The following CNBD1 variants were observed in gnomAD, a reference collection of about 807,000 sequenced individuals.
The protein encoded by CNBD1 is cyclic nucleotide binding domain containing 1.
In CNBD1, 71 loss-of-function variants were observed where a neutral mutation model predicts 54.4. The observed-to-expected ratio is 1.30, with a 90% CI of 1.08 to 1.59. The LOEUF (loss-of-function observed/expected upper bound fraction) is 1.59, where lower values mean the gene tolerates loss of function less well. Among genes scored for constraint, CNBD1 ranks in the 40% most tolerant of loss-of-function variants. The pLI is 0.00. For synonymous variants in CNBD1, 182 were observed against 170.7 expected (o/e 1.07, Z -0.51); for missense variants, 659 against 518.0 (o/e 1.27, Z -2.64).
chr8:87,114,688 T>G (rs1185711776), intron 4 of CNBD1, among the ~76,000 whole-genome samples: 1 of 152,214 alleles, frequency 6.6e-6, no homozygotes, highest in Non-Finnish European at 1.5e-5. Flanking sequence ...CTTATTTATC[T>G]AATTCCTTTT....
At chr8:87,421,479 T>C (rs1487608364) in intron 2 of CNBD1, among the ~76,000 whole-genome samples, 1 of 135,260 alleles carries the variant, frequency 7.4e-6, no homozygotes, top group Non-Finnish European at 1.5e-5. Flanking sequence ...CCTGTGTCCA[T>C]GTGATCTCAT....
At position 87,346,450 on chromosome 8, in the gene CNBD1, G is replaced by A. The variant is rs137888860; in HGVS notation, c.1043-5235G>A. On this transcript the variant is annotated intron_variant, in intron 8 of 10. Coordinates refer to ENST00000518476, the MANE Select transcript of CNBD1 (RefSeq NM_173538.3). ...ATATTTTTTCTAAAATTTCTATTTGGTTATTTTTTGTAATCCAATTGGCCA... is the reference window on the plus strand; with the variant it reads ...ATATTTTTTCTAAAATTTCTATTTGATTATTTTTTGTAATCCAATTGGCCA... Among the ~76,000 whole-genome samples, 481 of 151,512 alleles carry A rather than the reference G, an allele frequency of 3.2e-3. 5 individuals are homozygous for A. The highest frequency in any genetic ancestry group is 0.011 in the African/African-American group (447 of 41,380).
intron 4 of CNBD1, among the ~76,000 whole-genome samples, chr8:87,196,490 T>C (rs1389217071): frequency 6.6e-6 from 1 of 152,204 alleles, no homozygotes; most frequent in Non-Finnish European, 1.5e-5. Flanking sequence ...TCACAGATGT[T>C]CACTAAAGTA....
chr8:87,249,079 T>C (rs1033742773), intron 6 of CNBD1, among the ~76,000 whole-genome samples: 5 of 152,320 alleles, frequency 3.3e-5, no homozygotes, highest in African/African-American at 1.2e-4. Flanking sequence ...ATTGATTTAT[T>C]ATGGTCTCTG....
intron 6 of CNBD1, among the ~76,000 whole-genome samples, chr8:87,249,636 C>G (rs751371880): frequency 6.6e-6 from 1 of 152,102 alleles, no homozygotes; most frequent in Non-Finnish European, 1.5e-5. Context: ...AAGATTCAGT[C>G]CCAAGAACTA....
chr8:86,939,928 A>C (rs1362950890), intron 4 of CNBD1, 174 bp downstream of exon 4: 2 of 426,256 alleles, frequency 4.7e-6, no homozygotes, highest in East Asian at 3.6e-5. Context: ...TACAGTCTTC[A>C]TGAATTCAGT....
chr8:87,139,111 C>T (rs981153123), intron 4 of CNBD1, among the ~76,000 whole-genome samples: 2 of 152,258 alleles, frequency 1.3e-5, no homozygotes, highest in African/African-American at 2.4e-5. Flanking sequence ...TGAAGGTGTA[C>T]ACCCTTTATT....
chr8:87,405,171 CA>C (rs541788334), intron 2 of CNBD1, among the ~76,000 whole-genome samples: 1 of 151,830 alleles, frequency 6.6e-6, no homozygotes, highest in African/African-American at 2.4e-5. Flanking sequence ...GGAATAGATA[CA>C]AAAAAATAAA....
chr8:87,371,743 A>T (rs981190110), intron 10 of CNBD1, among the ~76,000 whole-genome samples: 92 of 152,014 alleles, frequency 6.1e-4, no homozygotes, highest in Non-Finnish European at 1.2e-3. Flanking sequence ...AAACCACATG[A>T]TTATCTCAAT....
chr8:87,170,363 A>G (rs1813060385), intron 4 of CNBD1, among the ~76,000 whole-genome samples: 1 of 152,276 alleles, frequency 6.6e-6, no homozygotes, highest in East Asian at 1.9e-4. Context: ...TCATCTGCAA[A>G]CAAAGATAAT....
intron 4 of CNBD1, among the ~76,000 whole-genome samples, chr8:87,022,512 G>A (rs1453581904): frequency 7.2e-6 from 1 of 139,240 alleles, no homozygotes; most frequent in Non-Finnish European, 1.6e-5. Context: ...CTTCAAAATG[G>A]GGTAGCCTAC....
At chr8:86,880,909 A>T (rs977784206) in intron 1 of CNBD1, among the ~76,000 whole-genome samples, 4 of 152,230 alleles carry the variant, frequency 2.6e-5, no homozygotes, top group Non-Finnish European at 5.9e-5. Context: ...ACATAAACAG[A>T]ACTAAAGACA....
Position 86,878,555 on chromosome 8 carries a change from T to G in CNBD1, c.89-8987T>G, listed in dbSNP as rs1056872351. Among the ~76,000 whole-genome samples the G allele has an allele frequency of 3.6e-4, 54 of 149,092 alleles. 1 individual carries two copies. Among genetic ancestry groups the G allele is most frequent in the African/African-American group, 1.3e-3 (52 of 40,226 alleles). ...TTGATTGCCACTTAACATTGTCCTC[T>G]GTATTATCACAACTTTATTCTGAAA... On this transcript the variant is annotated intron_variant, in intron 1 of 10. Transcript: ENST00000518476.
chr8:87,256,229 G>A (rs752594775), intron 6 of CNBD1, among the ~76,000 whole-genome samples: 2 of 150,360 alleles, frequency 1.3e-5, no homozygotes, highest in Non-Finnish European at 3.0e-5. Context: ...CCTCATGTTG[G>A]CCAGGGTGGT....
intron 4 of CNBD1, among the ~76,000 whole-genome samples, chr8:87,197,307 G>T (rs986320004): frequency 6.6e-6 from 1 of 152,288 alleles, no homozygotes; most frequent in Non-Finnish European, 1.5e-5. Context: ...AAGACTAGAG[G>T]TTAAGAGAGA....
At chr8:86,995,343 T>C (rs776426524) in intron 4 of CNBD1, among the ~76,000 whole-genome samples, 5 of 152,238 alleles carry the variant, frequency 3.3e-5, no homozygotes, top group Non-Finnish European at 7.3e-5. Context: ...TACTCGATTC[T>C]GCATTATACT....
At position 86,940,386 on chromosome 8, in the gene CNBD1, C is replaced by T. The variant is rs1324788109; in HGVS notation, c.431+632C>T. On this transcript the variant is annotated intron_variant, in intron 4 of 10. Coordinates refer to ENST00000518476, the MANE Select transcript of CNBD1 (RefSeq NM_173538.3). ...TTCACCATGTTGGCCAGGGTGGTCT[C>T]GAACTCCTGACCTCAGGTGATCTGC... Among the ~76,000 whole-genome samples, 7 of 152,144 alleles carry T rather than the reference C, an allele frequency of 4.6e-5. No individual in the cohort carries two copies. The South Asian group carries it at 1.5e-3, about 32-fold the overall frequency.
intron 5 of CNBD1, 52 bp from the exon 6 acceptor site, chr8:87,236,867 T>A (rs577154569): frequency 5.4e-6 from 6 of 1,110,548 alleles, no homozygotes; most frequent in Non-Finnish European, 7.8e-6. Flanking sequence ...GTCATATCTA[T>A]ATCAAGGAGC....
chr8:87,327,584 C>G (rs575806566), intron 8 of CNBD1, among the ~76,000 whole-genome samples: 82 of 152,252 alleles, frequency 5.4e-4, no homozygotes, highest in Non-Finnish European at 1.0e-3. Context: ...CGTCAGTCAC[C>G]CCTTTTTTGA....
Sources: gnomAD v4.1 joint callset for allele counts (sites outside exome capture counted in the v4.1 genomes callset) on GRCh38, gnomAD v4.1.1 for gene constraint, MANE v1.5 for transcripts, NCBI Gene and HGNC (gene_info 2026-07-23, HGNC 2026-07-21) for gene names.